Variants in UGCG observed in about 807,000 individuals in gnomAD.
UGCG encodes the protein UDP-glucose ceramide glucosyltransferase.
A neutral mutation model predicts 49.5 loss-of-function variants in UGCG; 10 were observed. The ratio of observed to expected loss-of-function variants is 0.20; its 90% confidence interval spans 0.12 to 0.34. The LOEUF is 0.34. Among genes scored for constraint, UGCG ranks in the 10% least tolerant of loss-of-function variants. The pLI, the probability that UGCG is intolerant of heterozygous loss-of-function variation, is 1.00. For synonymous variants in UGCG, 182 were observed against 158.2 expected (o/e 1.15, Z -1.13); for missense variants, 312 against 483.7 (o/e 0.65, Z 3.33).
chr9:111,921,474 G>A (rs554632505), intron 2 of UGCG, among the ~76,000 whole-genome samples: 6 of 151,804 alleles, frequency 4.0e-5, no homozygotes, highest in Admixed American at 1.3e-4. Flanking sequence ...ATGAAACTCC[G>A]TCTCTACTAA....
Position 111,933,019 on chromosome 9 carries a change from T to A in UGCG, c.*22T>A, listed in dbSNP as rs200653374. 6.6e-5 allele frequency: 97 copies of A among 1,468,260 alleles called. No individual in the cohort carries two copies. In the East Asian group the frequency reaches 2.0e-3, roughly 30 times the overall value. 91.0% of individuals were successfully genotyped at this position (1,468,260 alleles called of 1,614,324 possible). ...ATAACTACAGCTTTGTGACTGTATA[T>A]AAAGGAAAAAAGAGAAGTATTATAA... On this transcript the variant is annotated 3_prime_UTR_variant, in exon 9 of 9. Coordinates refer to ENST00000374279, the MANE Select transcript of UGCG (RefSeq NM_003358.3).
chr9:111,918,797 T>C lies in UGCG; in HGVS notation c.240+4051T>C, dbSNP rs965686724. Among the ~76,000 whole-genome samples, 594 of 149,992 alleles carry C rather than the reference T, an allele frequency of 4.0e-3. 2 individuals are homozygous for C. The highest frequency in any genetic ancestry group is 0.013 in the African/African-American group (536 of 41,036). On this transcript the variant is annotated intron_variant, in intron 2 of 8. Coordinates refer to ENST00000374279, the MANE Select transcript of UGCG (RefSeq NM_003358.3). Reference sequence around the variant, plus strand: ...AAAATTAGCTGGGCGCAGTGGCGGGTGCCTGTAGTCCCAGCTACTCGGGAG... The same window carrying C: ...AAAATTAGCTGGGCGCAGTGGCGGGCGCCTGTAGTCCCAGCTACTCGGGAG...
In UGCG at chr9:111,934,370, A is replaced by T. The variant is rs1159332407; in HGVS notation, c.*1373A>T. On this transcript the variant is annotated 3_prime_UTR_variant, in exon 9 of 9. Transcript: ENST00000374279. ...TTGTTTTGTTTTTTTAAAAAAAAAA[A>T]ACAAAAATGTAAGGGACAGTGCATA... 6.6e-6 allele frequency: 1 copy of T among 151,962 alleles called. No individual in the cohort carries two copies. Among genetic ancestry groups the T allele is most frequent in the East Asian group, 1.9e-4 (1 of 5,196 alleles). The allele number at this position is 151,962 out of a possible 1,614,324, so 9.4% of individuals were successfully genotyped here.
chr9:111,911,009 A>C (rs963914872), intron 1 of UGCG, among the ~76,000 whole-genome samples: 7 of 152,180 alleles, frequency 4.6e-5, no homozygotes, highest in African/African-American at 1.7e-4. Flanking sequence ...CACCTTTGAA[A>C]GTGCTGGGAT....
intron 2 of UGCG, among the ~76,000 whole-genome samples, chr9:111,918,664 T>A (rs907640454): frequency 1.3e-5 from 2 of 152,096 alleles, no homozygotes; most frequent in Admixed American, 1.3e-4. Context: ...CCGGGGGCGG[T>A]GGCTCACGCC....
chr9:111,931,798 G>A (rs530953524), intron 7 of UGCG, among the ~76,000 whole-genome samples: 12 of 152,238 alleles, frequency 7.9e-5, no homozygotes, highest in South Asian at 6.2e-4. Context: ...AGGCCAAGGC[G>A]AGAGGACTGC....
intron 1 of UGCG, among the ~76,000 whole-genome samples, chr9:111,914,258 G>GT (rs1838071121): frequency 6.6e-6 from 1 of 152,152 alleles, no homozygotes; most frequent in Non-Finnish European, 1.5e-5. Context: ...AATAGTCAGA[G>GT]AGTAGTACAT....
intron 1 of UGCG, among the ~76,000 whole-genome samples, chr9:111,899,055 G>A (rs1465291757): frequency 2.0e-5 from 3 of 152,124 alleles, no homozygotes; most frequent in African/African-American, 7.2e-5. Flanking sequence ...TACATCATTT[G>A]TAATAGATGC....
At chr9:111,911,026 C>T (rs1837987138) in intron 1 of UGCG, among the ~76,000 whole-genome samples, 1 of 152,196 alleles carries the variant, frequency 6.6e-6, no homozygotes, top group Admixed American at 6.5e-5. Flanking sequence ...GGATTGCAGG[C>T]ATGAGCCACT....
chr9:111,897,203 G>C lies in UGCG; in HGVS notation c.-13G>C. On this transcript the variant is annotated 5_prime_UTR_variant, in exon 1 of 9. Coordinates refer to ENST00000374279, the MANE Select transcript of UGCG (RefSeq NM_003358.3). The stretch of plus-strand genomic sequence containing the variant: ...CGGCCGCAGCGGGCCGGGCCGGTCC[G>C]GCGGGCCGGGGGATGGCGCTGCTGG... The C allele has an allele frequency of 7.1e-6, 11 of 1,541,740 alleles. No individual in the cohort carries two copies. Among genetic ancestry groups the C allele is most frequent in the Non-Finnish European group, 9.6e-6 (11 of 1,145,610 alleles).
chr9:111,914,896 C>T (rs1287572841), intron 2 of UGCG, 150 bp downstream of exon 2: 2 of 1,127,570 alleles, frequency 1.8e-6, no homozygotes, highest in Non-Finnish European at 2.4e-6. Flanking sequence ...TAGTAGTAGT[C>T]ATCACAGAAC....
intron 1 of UGCG, among the ~76,000 whole-genome samples, chr9:111,914,271 T>A (rs998768568): frequency 6.6e-6 from 1 of 152,174 alleles, no homozygotes; most frequent in African/African-American, 2.4e-5. Context: ...TAGTACATCA[T>A]GGGTATTCAA....
At chr9:111,901,465 C>A (rs1168955003) in intron 1 of UGCG, among the ~76,000 whole-genome samples, 1 of 152,138 alleles carries the variant, frequency 6.6e-6, no homozygotes, top group Non-Finnish European at 1.5e-5. Flanking sequence ...GCAATTCAGC[C>A]CCTTTAACCT....
At chr9:111,897,673 C>G (rs1320051294) in intron 1 of UGCG, among the ~76,000 whole-genome samples, 1 of 151,906 alleles carries the variant, frequency 6.6e-6, no homozygotes, top group East Asian at 1.9e-4. Context: ...TTCTCCCGAC[C>G]TGGGCCACGT....
At chr9:111,907,526 A>C (rs1837909956) in intron 1 of UGCG, among the ~76,000 whole-genome samples, 1 of 151,984 alleles carries the variant, frequency 6.6e-6, no homozygotes, top group Non-Finnish European at 1.5e-5. Context: ...ATGCTTGGAA[A>C]TTTTTTAATA....
At chr9:111,901,921 C>G (rs1837782446) in intron 1 of UGCG, among the ~76,000 whole-genome samples, 1 of 152,164 alleles carries the variant, frequency 6.6e-6, no homozygotes, top group Non-Finnish European at 1.5e-5. Flanking sequence ...GATTACTAAT[C>G]TTGGATCACA....
chr9:111,924,919 TGAA>T (rs751551621), intron 4 of UGCG, 41 bp downstream of exon 4: 9 of 1,239,358 alleles, frequency 7.3e-6, no homozygotes, highest in Non-Finnish European at 9.6e-6. Flanking sequence ...ACTATTAATT[TGAA>T]GATAAAATGC....
intron 2 of UGCG, among the ~76,000 whole-genome samples, chr9:111,919,335 T>C (rs1838173779): frequency 6.6e-6 from 1 of 151,850 alleles, no homozygotes; most frequent in Non-Finnish European, 1.5e-5. Context: ...ATACAAAAAT[T>C]AGCCAGGTGT....
intron 1 of UGCG, among the ~76,000 whole-genome samples, chr9:111,908,134 G>A (rs1837922320): frequency 6.6e-6 from 1 of 152,116 alleles, no homozygotes; most frequent in Non-Finnish European, 1.5e-5. Context: ...TAGTACTAGT[G>A]CGAGGACAGA....
Sources: allele counts gnomAD v4.1 joint callset (sites outside exome capture counted in the v4.1 genomes callset), GRCh38; gene constraint gnomAD v4.1.1; transcripts MANE v1.5; gene names NCBI Gene and HGNC (gene_info 2026-07-23, HGNC 2026-07-21).